The following RAD23B variants were observed in gnomAD, a reference collection of about 807,000 sequenced individuals.
The protein encoded by RAD23B is RAD23 nucleotide excision repair protein B, also known as lysine-specific demethylase RAD23B.
RAD23B carries 5 observed loss-of-function variants against 49.1 expected under a neutral mutation model. That is an observed-to-expected ratio of 0.10 (90% CI 0.05 to 0.21). The LOEUF is 0.21. Ranked by LOEUF, RAD23B falls within the 10% of genes least tolerant of loss-of-function variation. The probability of loss-of-function intolerance (pLI) is 1.00; values close to 1 mark genes in which losing one functional copy is unlikely to be tolerated. For synonymous variants in RAD23B, 184 were observed against 165.4 expected (o/e 1.11, Z -0.86); for missense variants, 356 against 486.7 (o/e 0.73, Z 2.53).
intron 5 of RAD23B, among the ~76,000 whole-genome samples, chr9:107,312,321 T>C (rs1027797899): frequency 3.3e-5 from 5 of 152,238 alleles, no homozygotes; most frequent in African/African-American, 1.2e-4. Context: ...TACTGGTTTA[T>C]TGGCTGGCAA....
At chr9:107,313,386 C>T (rs764507413) in intron 5 of RAD23B, among the ~76,000 whole-genome samples, 4 of 151,982 alleles carry the variant, frequency 2.6e-5, no homozygotes, top group East Asian at 1.9e-4. Flanking sequence ...CCACCACGCC[C>T]GACTAATTTT....
chr9:107,292,548 C>T (rs533194431), intron 1 of RAD23B, among the ~76,000 whole-genome samples: 7 of 152,074 alleles, frequency 4.6e-5, no homozygotes, highest in South Asian at 2.1e-4. Flanking sequence ...GGTGTGGTGG[C>T]GTGCACCTGT....
chr9:107,324,985 A>C lies in RAD23B; in HGVS notation c.1097A>C (p.Glu366Ala), dbSNP rs1170587715. The change falls in exon 9 of 10, where the codon GAA (glutamate) becomes GCA (alanine). Residue 366 changes from glutamate to alanine, a missense_variant. Physicochemically the swap from Glu to Ala is moderately radical, Grantham distance 107. Around this residue, in one of 5 missense-constraint regions of RAD23B, gnomAD observed 148 missense variants for 231.7 expected, o/e 0.64. Coordinates refer to ENST00000358015, the MANE Select transcript of RAD23B (RefSeq NM_002874.5). ...HMNYIQVTPQ[E>A]KEAIERLKAL... Reference sequence around the variant, plus strand: ...AACTACATTCAAGTAACACCTCAGGAAAAAGAAGCTATAGAAAGGGTGAGT... The same window carrying C: ...AACTACATTCAAGTAACACCTCAGGCAAAAGAAGCTATAGAAAGGGTGAGT... 1 of 1,613,390 alleles carries C rather than the reference A, an allele frequency of 6.2e-7. No homozygotes were observed. Among genetic ancestry groups the C allele is most frequent in the South Asian group, 1.1e-5 (1 of 91,052 alleles).
chr9:107,326,627 CTTTTTTTTT>C (rs796381629), intron 9 of RAD23B, among the ~76,000 whole-genome samples: 2 of 67,568 alleles, frequency 3.0e-5, no homozygotes, highest in Non-Finnish European at 5.6e-5. Context: ...TTTTGTATTT[CTTTTTTTTT>C]TTTTTTTTTT....
At chr9:107,325,313 C>CAAAAAAAAAAAAAAAAAAAAA (rs34042765) in intron 9 of RAD23B, among the ~76,000 whole-genome samples, 5 of 61,386 alleles carry the variant, frequency 8.1e-5, no homozygotes, top group African/African-American at 3.3e-4. Context: ...GACTCTGTCT[C>CAAAAAAAAAAAAAAAAAAAAA]AAAAAAAAAA....
At chr9:107,283,737 C>T (rs772094585) in intron 1 of RAD23B, 42 bp downstream of exon 1, 42 of 1,382,394 alleles carry the variant, frequency 3.0e-5, no homozygotes, top group Non-Finnish European at 4.0e-5. Context: ...GCGTGCGGGC[C>T]GCGGGGAGCG....
intron 4 of RAD23B, among the ~76,000 whole-genome samples, chr9:107,309,041 CAT>C (rs1238135797): frequency 1.2e-4 from 19 of 152,210 alleles, no homozygotes; most frequent in Non-Finnish European, 1.5e-5. Flanking sequence ...CACTTGTGCA[CAT>C]GACTGTATTG....
intron 1 of RAD23B, among the ~76,000 whole-genome samples, chr9:107,299,688 T>C (rs115926698): frequency 0.013 from 1,992 of 152,330 alleles, 51 homozygotes; most frequent in African/African-American, 0.045. Flanking sequence ...GTGATTGTAA[T>C]GAAACATAAC....
At chr9:107,283,745 G>A in intron 1 of RAD23B, 50 bp downstream of exon 1, 2 of 1,361,070 alleles carry the variant, frequency 1.5e-6, no homozygotes, top group South Asian at 3.5e-5. Flanking sequence ...GCCGCGGGGA[G>A]CGCCAGGAGC....
At chr9:107,313,283 T>G (rs1254545899) in intron 5 of RAD23B, among the ~76,000 whole-genome samples, 1 of 152,134 alleles carries the variant, frequency 6.6e-6, no homozygotes, top group Admixed American at 6.5e-5. Context: ...TGGAGTGCAG[T>G]GGCATGATCT....
At chr9:107,287,992 A>G (rs932914914) in intron 1 of RAD23B, among the ~76,000 whole-genome samples, 4 of 152,194 alleles carry the variant, frequency 2.6e-5, no homozygotes, top group Non-Finnish European at 5.9e-5. Flanking sequence ...TTCATATTAT[A>G]CAAGCTTCCT....
chr9:107,314,046 T>C (rs1002950114), intron 5 of RAD23B, among the ~76,000 whole-genome samples: 1 of 152,142 alleles, frequency 6.6e-6, no homozygotes, highest in African/African-American at 2.4e-5. Context: ...GTTGCCTTAG[T>C]TCAGGTCCTT....
intron 1 of RAD23B, among the ~76,000 whole-genome samples, chr9:107,285,678 G>A (rs1833262199): frequency 6.6e-6 from 1 of 152,196 alleles, no homozygotes; most frequent in African/African-American, 2.4e-5. Flanking sequence ...TTTTTGAAAA[G>A]CCCATTGTTA....
intron 1 of RAD23B, among the ~76,000 whole-genome samples, chr9:107,298,348 C>CT (rs1282360992): frequency 1.3e-5 from 2 of 152,008 alleles, no homozygotes; most frequent in African/African-American, 2.4e-5. Context: ...GATTCTCACT[C>CT]TGTCACCCAG....
chr9:107,326,005 T>C (rs1488538580), intron 9 of RAD23B, among the ~76,000 whole-genome samples: 2 of 152,222 alleles, frequency 1.3e-5, no homozygotes, highest in African/African-American at 4.8e-5. Flanking sequence ...TTTTGTCCTT[T>C]AGTATGCTTT....
intron 9 of RAD23B, among the ~76,000 whole-genome samples, chr9:107,325,486 TTTA>T (rs1325978735): frequency 5.3e-5 from 8 of 152,194 alleles, no homozygotes; most frequent in Non-Finnish European, 2.9e-5. Context: ...TCGAAGTATT[TTTA>T]TTCTTTTTGA....
At chr9:107,321,953 A>G (rs1334115011) in intron 6 of RAD23B, 30 bp from the exon 7 acceptor site, 5 of 1,567,948 alleles carry the variant, frequency 3.2e-6, no homozygotes, top group Admixed American at 2.0e-5. Context: ...GCATGATGGG[A>G]TATCTTAAAG....
intron 1 of RAD23B, among the ~76,000 whole-genome samples, chr9:107,296,844 CTTTT>C (rs1041136562): frequency 7.0e-6 from 1 of 142,080 alleles, no homozygotes; most frequent in South Asian, 2.2e-4. Flanking sequence ...TGCCTTTTCT[CTTTT>C]TTTAATTGCT....
chr9:107,301,634 C>T (rs1826656247), intron 2 of RAD23B, among the ~76,000 whole-genome samples: 2 of 152,128 alleles, frequency 1.3e-5, no homozygotes, highest in African/African-American at 4.8e-5. Flanking sequence ...AACTCCTGAG[C>T]TCAGGTGATC....
Sources: allele counts gnomAD v4.1 joint callset (sites outside exome capture counted in the v4.1 genomes callset), GRCh38; gene constraint gnomAD v4.1.1; regional missense constraint gnomAD v4.1.1; transcripts MANE v1.5; gene names NCBI Gene and HGNC (gene_info 2026-07-23, HGNC 2026-07-21).